Variants in RGS11 observed in about 807,000 individuals in gnomAD.
The protein encoded by RGS11 is regulator of G protein signaling 11.
RGS11 carries 86 observed loss-of-function variants against 71.1 expected under a neutral mutation model. The observed-to-expected ratio is 1.21, with a 90% confidence interval of 1.02 to 1.45. The LOEUF (loss-of-function observed/expected upper bound fraction) is 1.45, where lower values mean the gene tolerates loss of function less well. Ranked by LOEUF, RGS11 falls within the 40% of genes most tolerant of loss-of-function variation. The pLI, the probability that RGS11 is intolerant of heterozygous loss-of-function variation, is 0.00. For missense variants in RGS11, 734 were observed against 635.1 expected (o/e 1.16, Z -1.67); for synonymous variants, 298 against 254.2 (o/e 1.17, Z -1.64).
rs781762011 is a variant in RGS11 at position 271,076 on chromosome 16, C to A, written c.887G>T (p.Arg296Leu). The A allele has an allele frequency of 2.5e-6, 4 of 1,612,180 alleles. No homozygotes were observed. Among genetic ancestry groups the A allele is most frequent in the Non-Finnish European group, 3.4e-6 (4 of 1,179,810 alleles). Reference protein sequence around the residue: ...APTVAAPTKLRVERWGFSFRE... With the variant: ...APTVAAPTKLLVERWGFSFRE... ...GAAGCTGAAGCCCCATCTCTCCACA[C>A]GGAGCTTCGTGGGGGCAGCCACCCT... Residue 296 changes from arginine to leucine, a missense_variant, in exon 13 of 17, where the codon CGT (arginine) becomes CTT (leucine). Transcript: ENST00000397770.
Position 269,517 on chromosome 16 carries a change from C to T in RGS11, c.1275G>A (p.Leu425=). The T allele has an allele frequency of 1.2e-6, 2 of 1,613,254 alleles. No homozygotes were observed. The change falls in exon 16 of 17, where the codon CTG becomes CTA. Residue 425 remains leucine (L), a synonymous_variant. Coordinates refer to ENST00000397770, the MANE Select transcript of RGS11 (RefSeq NM_183337.3). ...KALLAEAGIP[L]EMKRRVFPFT... ...CCTGGGCTCACCGTCTCTTCATCTCCAGCGGGATCCCAGCCTCTGCCAGGA... is the reference window on the plus strand; with the variant it reads ...CCTGGGCTCACCGTCTCTTCATCTCTAGCGGGATCCCAGCCTCTGCCAGGA...
intron 15 of RGS11, 146 bp from the exon 16 acceptor site, chr16:269,731 C>A (rs946558516): frequency 6.0e-5 from 38 of 633,940 alleles, no homozygotes; most frequent in Non-Finnish European, 9.8e-5. Flanking sequence ...CCGCCTCGGA[C>A]CTGCCCAGAC....
rs959687302 is a variant in RGS11 at position 275,030 on chromosome 16, C to T, written c.264G>A (p.Leu88=). ...GGAGCATGAGGCTACGGGGGTCGCGCAGCGGGTAGATGTAGCCATGCTGCA... is the reference window on the plus strand; with the variant it reads ...GGAGCATGAGGCTACGGGGGTCGCGTAGCGGGTAGATGTAGCCATGCTGCA... ...VLVQHGYIYP[L]RDPRSLMLRP... The change falls in exon 4 of 17, where the codon CTG becomes CTA. Residue 88 remains leucine (L), a synonymous_variant. Coordinates refer to ENST00000397770, the MANE Select transcript of RGS11 (RefSeq NM_183337.3). 2 of 1,510,298 alleles carry T rather than the reference C, an allele frequency of 1.3e-6. No homozygotes were observed. The highest frequency in any genetic ancestry group is 1.3e-5 in the South Asian group (1 of 76,084). 93.6% of individuals were successfully genotyped at this position (1,510,298 alleles called of 1,614,324 possible).
At position 273,835 on chromosome 16, in the gene RGS11, T is replaced by C. The variant is rs111869489; in HGVS notation, c.431A>G (p.Asp144Gly). Residue 144 changes from aspartate to glycine, a missense_variant and splice_region_variant, in exon 7 of 17, where the codon GAC (aspartate) becomes GGC (glycine). Transcript: ENST00000397770. ...CTTCTTGTGTAGCCGGTCATAGCAGTCCTGGGGGCAGCGAGGTTTCCAGTG... is the reference window on the plus strand; with the variant it reads ...CTTCTTGTGTAGCCGGTCATAGCAGCCCTGGGGGCAGCGAGGTTTCCAGTG... ...KRGTLVDYEK[D>G]CYDRLHKKIN... 8.7e-5 allele frequency: 140 copies of C among 1,613,374 alleles called. No homozygotes were observed. The South Asian group carries it at 1.0e-3, about 12-fold the overall frequency.
rs1450499062 is a variant in RGS11, at chr16:270,503, C to T, written c.1206+20G>A. 20 of 1,588,358 alleles carry T rather than the reference C, an allele frequency of 1.3e-5. No homozygotes were observed. The highest frequency in any genetic ancestry group is 2.3e-5 in the East Asian group (1 of 44,096). ...TCTGGGATGACCCCTCCTGCCCCTG[C>T]AGGCTGGCCCAGCACCCACCTTCTT... On this transcript the variant is annotated intron_variant, in intron 15 of 16. Coordinates refer to ENST00000397770, the MANE Select transcript of RGS11 (RefSeq NM_183337.3).
intron 13 of RGS11, 53 bp downstream of exon 13, chr16:270,931 C>A: frequency 6.4e-7 from 1 of 1,567,306 alleles, no homozygotes; most frequent in Non-Finnish European, 8.7e-7. Context: ...CGGGAGGGGT[C>A]CCAGGCAGCA....
At chr16:273,123 C>G (rs1271995556) in intron 8 of RGS11, among the ~76,000 whole-genome samples, 192 bp from the exon 9 acceptor site, 1 of 152,176 alleles carries the variant, frequency 6.6e-6, no homozygotes, top group African/African-American at 2.4e-5. Context: ...GGCCTCCCCA[C>G]AGCCCCAGCT....
chr16:272,829 TGA>T (rs1189614010), intron 9 of RGS11, 32 bp downstream of exon 9: 2 of 1,538,930 alleles, frequency 1.3e-6, no homozygotes, highest in Non-Finnish European at 8.7e-7. Flanking sequence ...GTGTGCAGGG[TGA>T]GAGGGCGGCC....
At chr16:271,747 G>A (rs1000767682) in intron 9 of RGS11, 178 bp from the exon 10 acceptor site, 220 of 634,884 alleles carry the variant, frequency 3.5e-4, no homozygotes, top group Non-Finnish European at 5.6e-4. Context: ...ATCTTTCGAG[G>A]AGACCTCTGG....
At position 270,976 on chromosome 16, in the gene RGS11, G is replaced by C; in HGVS notation, c.979+8C>G. On this transcript the variant is annotated splice_region_variant and intron_variant, in intron 13 of 16. Coordinates refer to ENST00000397770, the MANE Select transcript of RGS11 (RefSeq NM_183337.3). ...CTGGGACTGGAGCAGGGGCTGGGGG[G>C]TTCTCACCACTGAACTCCTTTCCCA... 1 of 1,603,998 alleles carries C rather than the reference G, an allele frequency of 6.2e-7. No homozygotes were observed. Among genetic ancestry groups the C allele is most frequent in the Non-Finnish European group, 8.5e-7 (1 of 1,172,414 alleles).
chr16:270,950 G>A lies in RGS11; in HGVS notation c.979+34C>T, dbSNP rs377753184. ...AGGGGTCCCAGGCAGCAGCCTCCCC[G>A]CTGGGACTGGAGCAGGGGCTGGGGG... On this transcript the variant is annotated intron_variant, in intron 13 of 16. Coordinates refer to ENST00000397770, the MANE Select transcript of RGS11 (RefSeq NM_183337.3). 124 of 1,574,386 alleles carry A rather than the reference G, an allele frequency of 7.9e-5. 1 individual carries two copies. In the African/African-American group the frequency reaches 1.3e-3, roughly 17 times the overall value.
At chr16:273,018 G>A in intron 8 of RGS11, 87 bp from the exon 9 acceptor site, 1 of 1,242,686 alleles carries the variant, frequency 8.0e-7, no homozygotes, top group Non-Finnish European at 1.1e-6. Flanking sequence ...AGACCCCCAT[G>A]TGGAAACTGA....
At position 270,815 on chromosome 16, in the gene RGS11, G is replaced by A. The variant is rs749561140; in HGVS notation, c.996C>T (p.Phe332=). 6.2e-7 allele frequency: 1 copy of A among 1,612,072 alleles called. No homozygotes were observed. The highest frequency in any genetic ancestry group is 2.2e-5 in the East Asian group (1 of 44,810). The change falls in exon 14 of 17, where the codon TTC becomes TTT. Residue 332 remains phenylalanine, a synonymous_variant. Transcript: ENST00000397770. ...ATCGAAGCTCCTCACATGCCTCCCA[G>A]AAGCTGAGGTTTTCTCCTGGGGGGC... is the stretch of plus-strand genomic sequence containing the variant. ...GKEFSGENLS[F]WEACEELRYG... is the part of the protein sequence containing the mutation.
rs756494646 is a variant in RGS11, at chr16:273,480, G to A, written c.583C>T (p.Pro195Ser). Residue 195 changes from proline to serine, a missense_variant, in exon 8 of 17, where the codon CCC becomes TCC. Coordinates refer to ENST00000397770, the MANE Select transcript of RGS11 (RefSeq NM_183337.3). Reference sequence around the variant, plus strand: ...CTCACCGCAGGTGGGCTCACCGGGGGCCTGTTCACCAGCCAGTAGGTCTGC... The same window carrying A: ...CTCACCGCAGGTGGGCTCACCGGGGACCTGTTCACCAGCCAGTAGGTCTGC... Reference protein sequence around the residue: ...QEQTYWLVNRPPPGAPDVLEQ... With the variant: ...QEQTYWLVNRSPPGAPDVLEQ... 4 of 1,550,236 alleles carry A rather than the reference G, an allele frequency of 2.6e-6. No homozygotes were observed. The highest frequency in any genetic ancestry group is 1.4e-5 in the African/African-American group (1 of 73,238).
In RGS11 at chr16:272,281, C is replaced by T. The variant is rs531884045; in HGVS notation, c.657+582G>A. ...GGGGCCAGAGCGGAGGAGGCGGACG[C>T]GCTGCGAGTCCTGGCCTGTGTCCCC... On this transcript the variant is annotated intron_variant, in intron 9 of 16. Coordinates refer to ENST00000397770, the MANE Select transcript of RGS11 (RefSeq NM_183337.3). 7.9e-5 allele frequency: 99 copies of T among 1,251,352 alleles called. 1 individual carries two copies. In the Middle Eastern group the frequency reaches 1.1e-3, roughly 14 times the overall value. The allele number at this position is 1,251,352 out of a possible 1,614,324, so 77.5% of individuals were successfully genotyped here.
In RGS11 at chr16:268,967, G is replaced by A; in HGVS notation, c.*302C>T. On this transcript the variant is annotated 3_prime_UTR_variant, in exon 17 of 17. Coordinates refer to ENST00000397770, the MANE Select transcript of RGS11 (RefSeq NM_183337.3). ...CAGTGCTGGACTGAAGACCAGAGAA[G>A]GTGGAGCTCCCTGTGGCCTTGGTCT... 2 of 1,546,022 alleles carry A rather than the reference G, an allele frequency of 1.3e-6. No homozygotes were observed. The highest frequency in any genetic ancestry group is 1.2e-5 in the South Asian group (1 of 83,994).
chr16:274,092 A>AAGATGTG lies in RGS11; in HGVS notation c.379_380insCACATCT (p.Leu127ProfsTer18), dbSNP rs1179529308. On this transcript the variant is annotated frameshift_variant, in exon 6 of 17. Coordinates refer to ENST00000397770, the MANE Select transcript of RGS11 (RefSeq NM_183337.3). LOFTEE classifies it high-confidence loss of function. ...CCGTTTTCGGATGTTCTTCTTGGCC[A>AAGATGTG]GGTAGATGGCTGGAAGAACAGGGAC... 4.5e-6 allele frequency: 7 copies of AAGATGTG among 1,552,370 alleles called. No individual in the cohort carries two copies. The highest frequency in any genetic ancestry group is 6.1e-6 in the Non-Finnish European group (7 of 1,147,884).
rs912574649 is a variant in RGS11 at position 273,679 on chromosome 16, C to A, written c.506+81G>T. 6.5e-6 allele frequency: 10 copies of A among 1,541,470 alleles called. No individual in the cohort carries two copies. In the African/African-American group the frequency reaches 1.1e-4, roughly 17 times the overall value. ...GGTGCCCTCCACGGTCCCAGGGCCA[C>A]CGGAGCCTGGCCTGGGCTGGGCTTC... On this transcript the variant is annotated intron_variant, in intron 7 of 16. Coordinates refer to ENST00000397770, the MANE Select transcript of RGS11 (RefSeq NM_183337.3).
intron 4 of RGS11, chr16:274,682 A>G: frequency 1.5e-6 from 1 of 670,052 alleles, no homozygotes. Flanking sequence ...ACCTGGGCCT[A>G]GGGACCCCCA....
Sources: allele counts gnomAD v4.1 joint callset (sites outside exome capture counted in the v4.1 genomes callset), GRCh38; gene constraint gnomAD v4.1.1; transcripts MANE v1.5; gene names NCBI Gene and HGNC (gene_info 2026-07-23, HGNC 2026-07-21).